The following GSG1L variants were observed in gnomAD, a reference collection of about 807,000 sequenced individuals.
GSG1L encodes the protein germ cell-specific gene 1-like protein.
A neutral mutation model predicts 42.1 loss-of-function variants in GSG1L; 24 were observed. The ratio of observed to expected loss-of-function variants is 0.57; its 90% CI spans 0.41 to 0.80. The LOEUF is 0.80. Ranked by LOEUF, GSG1L falls within the 30% of genes least tolerant of loss-of-function variation. The pLI is 0.00. For synonymous variants in GSG1L, 215 were observed against 203.5 expected (o/e 1.06, Z -0.48); for missense variants, 445 against 472.2 (o/e 0.94, Z 0.53).
At chr16:27,993,115 G>A (rs563279484) in intron 1 of GSG1L, among the ~76,000 whole-genome samples, 58 of 152,172 alleles carry the variant, frequency 3.8e-4, no homozygotes, top group African/African-American at 6.3e-4. Flanking sequence ...TCAGGATTCC[G>A]GCCCAAGCAC....
chr16:27,918,892 T>C (rs1015359381), intron 2 of GSG1L, among the ~76,000 whole-genome samples: 1 of 152,030 alleles, frequency 6.6e-6, no homozygotes, highest in Non-Finnish European at 1.5e-5. Context: ...TGTGTAGTCT[T>C]AAGATGGATG....
intron 1 of GSG1L, among the ~76,000 whole-genome samples, chr16:27,999,432 A>G (rs2085556964): frequency 6.6e-6 from 1 of 152,202 alleles, no homozygotes; most frequent in Non-Finnish European, 1.5e-5. Flanking sequence ...GGAAAGAATG[A>G]CCAAATTCTT....
intron 1 of GSG1L, among the ~76,000 whole-genome samples, chr16:28,046,048 T>C (rs922982145): frequency 1.3e-5 from 2 of 152,142 alleles, no homozygotes; most frequent in African/African-American, 4.8e-5. Context: ...ATATATTCCA[T>C]CATGAAATTC....
intron 1 of GSG1L, among the ~76,000 whole-genome samples, chr16:27,980,880 C>G (rs1220093601): frequency 2.8e-5 from 2 of 72,256 alleles, no homozygotes; most frequent in Admixed American, 1.8e-4. Context: ...GATGTCGTCT[C>G]AAAAACCAAA....
chr16:27,993,763 C>A (rs2085480266), intron 1 of GSG1L, among the ~76,000 whole-genome samples: 1 of 152,170 alleles, frequency 6.6e-6, no homozygotes, highest in Non-Finnish European at 1.5e-5. Flanking sequence ...TAAGACATGC[C>A]CACAGCCGCA....
chr16:28,063,669 G>T lies in GSG1L; in HGVS notation c.-245C>A, dbSNP rs1437975229. ...GTGGAGGAGCGGCTACGGCGCGCCC[G>T]GAGCCCGGAGCGCGAGTGCACCTCG... is the stretch of plus-strand genomic sequence containing the variant. On this transcript the variant is annotated 5_prime_UTR_variant, in exon 1 of 7. Transcript: ENST00000447459. This position sits in a 1 kb window ranked among gnomAD's most constrained non-coding sequence, Gnocchi z 5.8. Among the ~76,000 whole-genome samples, 1 of 148,578 alleles carries T rather than the reference G, an allele frequency of 6.7e-6. No homozygotes were observed. Among genetic ancestry groups the T allele is most frequent in the African/African-American group, 2.4e-5 (1 of 40,990 alleles).
chr16:28,009,721 G>A (rs758454315), intron 1 of GSG1L, among the ~76,000 whole-genome samples: 8 of 152,182 alleles, frequency 5.3e-5, no homozygotes, highest in Non-Finnish European at 1.2e-4. Context: ...GCCTTGGGTC[G>A]GCAAGCCTAG....
chr16:27,846,956 C>CAAAA (rs5816450), intron 3 of GSG1L, among the ~76,000 whole-genome samples: 2 of 113,510 alleles, frequency 1.8e-5, no homozygotes, highest in African/African-American at 3.2e-5. Flanking sequence ...GACTCCGTCT[C>CAAAA]AAAAAAAAAA....
chr16:27,864,312 T>C (rs2083690563), intron 3 of GSG1L, among the ~76,000 whole-genome samples: 1 of 151,972 alleles, frequency 6.6e-6, no homozygotes, highest in Non-Finnish European at 1.5e-5. Context: ...AAAGAGATAG[T>C]TTCCAAAGGA....
Position 27,791,408 on chromosome 16 carries a change from G to T in GSG1L, c.958C>A (p.Leu320Met). Residue 320 changes from leucine to methionine, a missense_variant, in exon 7 of 7, where the codon CTG becomes ATG. Transcript: ENST00000447459. Reference protein sequence around the residue: ...PRSSAQEAPELNRQCWVLGHW... With the variant: ...PRSSAQEAPEMNRQCWVLGHW... ...CCCAAGACCCAGCACTGTCGGTTCA[G>T]CTCTGGTGCTTCCTGTGCGGAGCTC... 6.5e-7 allele frequency: 1 copy of T among 1,529,032 alleles called. No individual in the cohort carries two copies. The highest frequency in any genetic ancestry group is 1.3e-5 in the South Asian group (1 of 79,452). 94.7% of individuals were successfully genotyped at this position (1,529,032 alleles called of 1,614,324 possible).
chr16:27,927,634 T>C (rs1298067955), intron 2 of GSG1L, among the ~76,000 whole-genome samples: 1 of 152,184 alleles, frequency 6.6e-6, no homozygotes, highest in Non-Finnish European at 1.5e-5. Context: ...TCCCCACCTC[T>C]GCCCTAAGTT....
chr16:27,987,724 G>A (rs890642367), intron 1 of GSG1L, among the ~76,000 whole-genome samples: 5 of 152,054 alleles, frequency 3.3e-5, no homozygotes, highest in Admixed American at 6.6e-5. Flanking sequence ...CGAGGCGGGC[G>A]GATCACGAGG....
At chr16:27,852,240 C>T (rs1261110982) in intron 3 of GSG1L, among the ~76,000 whole-genome samples, 5 of 152,184 alleles carry the variant, frequency 3.3e-5, no homozygotes, top group Non-Finnish European at 7.3e-5. Flanking sequence ...TGGTGGGGAC[C>T]TGGAGGATGC....
At chr16:27,970,823 A>T (rs1055553164) in intron 1 of GSG1L, among the ~76,000 whole-genome samples, 15 of 152,020 alleles carry the variant, frequency 9.9e-5, no homozygotes, top group African/African-American at 3.4e-4. Flanking sequence ...TTTAGAGATG[A>T]TTTATGTGTA....
rs1349901284 is a variant in GSG1L, at chr16:27,901,209, C to T, written c.398-16571G>A. Among the ~76,000 whole-genome samples the T allele has an allele frequency of 2.0e-5, 3 of 152,110 alleles. No individual in the cohort carries two copies. The East Asian group carries it at 5.8e-4, about 29-fold the overall frequency. The stretch of plus-strand genomic sequence containing the variant: ...ACAGGATATAACAAGATCTAGTGCA[C>T]GTCTAATAACTACAATCATTTCAAA... On this transcript the variant is annotated intron_variant, in intron 2 of 6. Transcript: ENST00000447459.
chr16:27,841,981 A>C (rs1269532991), intron 4 of GSG1L, among the ~76,000 whole-genome samples: 1 of 152,212 alleles, frequency 6.6e-6, no homozygotes, highest in African/African-American at 2.4e-5. Context: ...CAGCATCTGC[A>C]TATGCAACAC....
At chr16:27,969,600 C>A (rs2085170430) in intron 1 of GSG1L, among the ~76,000 whole-genome samples, 1 of 151,922 alleles carries the variant, frequency 6.6e-6, no homozygotes, top group Non-Finnish European at 1.5e-5. Context: ...GATATACCAC[C>A]TTTTATTTAT....
At chr16:27,874,188 T>G (rs936283323) in intron 3 of GSG1L, among the ~76,000 whole-genome samples, 3 of 152,150 alleles carry the variant, frequency 2.0e-5, no homozygotes, top group African/African-American at 7.2e-5. Context: ...TTGTTATTCA[T>G]GAGGCTCTTG....
rs575891942 is a variant in GSG1L at position 28,063,202 on chromosome 16, T to G, written c.223A>C (p.Thr75Pro). Residue 75 changes from threonine (T) to proline (P), a missense_variant, in exon 1 of 7, where the codon ACC (threonine) becomes CCC (proline). This residue lies in a region of GSG1L where 156 missense variants were observed against 128.3 expected (regional missense o/e 1.22). Coordinates refer to ENST00000447459, the MANE Select transcript of GSG1L (RefSeq NM_001109763.2). This position sits in a 1 kb window ranked among gnomAD's most constrained non-coding sequence, Gnocchi z 5.8. ...CCAGGGGGGCCGTTCCCCGAGGCGG[T>G]GGCGGCGGCGGCGGCGGCGGCGGGG... is the stretch of plus-strand genomic sequence containing the variant. ...AAPAAAAAAA[T>P]ASGNGPPGGA... 1.6e-6 allele frequency: 2 copies of G among 1,281,964 alleles called. 1 individual carries two copies. The highest frequency in any genetic ancestry group is 2.0e-6 in the Non-Finnish European group (2 of 1,016,824). 79.4% of individuals were successfully genotyped at this position (1,281,964 alleles called of 1,614,324 possible).
Sources: gnomAD v4.1 joint callset for allele counts (sites outside exome capture counted in the v4.1 genomes callset) on GRCh38, gnomAD v4.1.1 for gene constraint, gnomAD v4.1.1 regional missense constraint, Gnocchi (gnomAD v3.1) non-coding constraint, MANE v1.5 for transcripts, NCBI Gene and HGNC (gene_info 2026-07-23, HGNC 2026-07-21) for gene names.